Variants in THADA observed in about 807,000 individuals in gnomAD.
The protein encoded by THADA is THADA armadillo repeat containing.
THADA carries 213 observed loss-of-function variants against 219.8 expected under a neutral mutation model. The observed-to-expected ratio is 0.97, with a 90% CI of 0.87 to 1.09. THADA has a LOEUF of 1.09. Ranked by LOEUF, THADA falls within the 50% of genes least tolerant of loss-of-function variation. THADA has a pLI of 0.00. For synonymous variants in THADA, 1,018 were observed against 828.9 expected (o/e 1.23, Z -3.92); for missense variants, 2,956 against 2,311.3 (o/e 1.28, Z -5.72).
At chr2:43,334,723 C>A (rs1000233403) in intron 30 of THADA, among the ~76,000 whole-genome samples, 3 of 151,378 alleles carry the variant, frequency 2.0e-5, no homozygotes, top group Admixed American at 6.6e-5. Context: ...TGCAGTGAGC[C>A]GAGATCGCGC....
intron 30 of THADA, among the ~76,000 whole-genome samples, chr2:43,328,994 A>G (rs1315041064): frequency 6.6e-6 from 1 of 152,134 alleles, no homozygotes; most frequent in Non-Finnish European, 1.5e-5. Flanking sequence ...CACTCAAGCT[A>G]TGTGCGGAGA....
chr2:43,263,656 CTCCTT>C (rs1379980414), intron 36 of THADA, among the ~76,000 whole-genome samples: 3 of 152,186 alleles, frequency 2.0e-5, no homozygotes, highest in African/African-American at 4.8e-5. Context: ...CAAATTCACC[CTCCTT>C]TCATCTCTCC....
chr2:43,247,927 C>G (rs1201663402), intron 36 of THADA, among the ~76,000 whole-genome samples: 1 of 150,832 alleles, frequency 6.6e-6, no homozygotes, highest in Non-Finnish European at 1.5e-5. Context: ...CCTGTGGTCC[C>G]TGCTACTTGG....
chr2:43,463,005 AAC>A (rs1683815195), intron 26 of THADA: 1 of 152,206 alleles, frequency 6.6e-6, no homozygotes, highest in South Asian at 2.1e-4. Context: ...AAAGGACAGC[AAC>A]AGTTTGAGGG....
At chr2:43,402,469 T>C (rs78842857) in intron 28 of THADA, among the ~76,000 whole-genome samples, 2 of 152,238 alleles carry the variant, frequency 1.3e-5, no homozygotes, top group Non-Finnish European at 2.9e-5. Context: ...GCTGAGATCA[T>C]GCTAACTTTA....
intron 29 of THADA, among the ~76,000 whole-genome samples, chr2:43,351,920 G>A (rs1487396322): frequency 1.3e-5 from 2 of 152,230 alleles, no homozygotes; most frequent in Admixed American, 1.3e-4. Context: ...CCCCCAACAA[G>A]GGCCCCCAAG....
chr2:43,316,371 C>A (rs1017739232), intron 31 of THADA, among the ~76,000 whole-genome samples: 1 of 152,094 alleles, frequency 6.6e-6, no homozygotes, highest in African/African-American at 2.4e-5. Flanking sequence ...CTGAGGCTAG[C>A]AGGTCTGATG....
chr2:43,453,209 A>G (rs1682575142), intron 26 of THADA, among the ~76,000 whole-genome samples: 1 of 152,238 alleles, frequency 6.6e-6, no homozygotes, highest in Admixed American at 6.5e-5. Flanking sequence ...ATTAGAAGAA[A>G]TAAGACTCAG....
intron 36 of THADA, among the ~76,000 whole-genome samples, chr2:43,241,581 C>T (rs1345970897): frequency 2.0e-5 from 3 of 149,484 alleles, no homozygotes; most frequent in African/African-American, 7.4e-5. Context: ...TAGTACAGCT[C>T]ACATGGATTT....
chr2:43,293,865 C>T (rs181232955), intron 31 of THADA, among the ~76,000 whole-genome samples: 49 of 152,314 alleles, frequency 3.2e-4, no homozygotes, highest in African/African-American at 9.9e-4. Context: ...TGTGGACATG[C>T]CTCACCCTCT....
intron 14 of THADA, among the ~76,000 whole-genome samples, chr2:43,569,880 G>C (rs1413952051): frequency 6.6e-6 from 1 of 152,132 alleles, no homozygotes; most frequent in Non-Finnish European, 1.5e-5. Flanking sequence ...GCTGCACCCA[G>C]GTTTCCATCC....
At chr2:43,301,477 A>G (rs1208768592) in intron 31 of THADA, among the ~76,000 whole-genome samples, 2 of 152,184 alleles carry the variant, frequency 1.3e-5, no homozygotes, top group Non-Finnish European at 2.9e-5. Context: ...CTTTGCTCTC[A>G]TGGAGCTCCA....
At chr2:43,498,728 G>T (rs1252604473) in intron 25 of THADA, 105 bp downstream of exon 25, 2 of 1,222,896 alleles carry the variant, frequency 1.6e-6, no homozygotes, top group East Asian at 5.3e-5. Context: ...AAAATTCATG[G>T]TAAAGGGCAG....
At chr2:43,456,718 T>C (rs1426085052) in intron 26 of THADA, among the ~76,000 whole-genome samples, 1 of 152,138 alleles carries the variant, frequency 6.6e-6, no homozygotes, top group Non-Finnish European at 1.5e-5. Context: ...TACACACACA[T>C]TGTTCTTTTG....
At chr2:43,514,772 T>TATA (rs1201149968) in intron 22 of THADA, among the ~76,000 whole-genome samples, 3 of 75,126 alleles carry the variant, frequency 4.0e-5, no homozygotes, top group Admixed American at 4.3e-4. Flanking sequence ...ATGTATAATA[T>TATA]ATATTTTATA....
At chr2:43,413,679 C>T (rs1207927428) in intron 28 of THADA, among the ~76,000 whole-genome samples, 1 of 152,156 alleles carries the variant, frequency 6.6e-6, no homozygotes, top group Non-Finnish European at 1.5e-5. Flanking sequence ...CAATCATTTT[C>T]AAGACAGAAA....
chr2:43,404,632 A>G (rs1318369341), intron 28 of THADA, among the ~76,000 whole-genome samples: 1 of 152,138 alleles, frequency 6.6e-6, no homozygotes, highest in African/African-American at 2.4e-5. Flanking sequence ...CCTTCCCCAC[A>G]GTAGCTCTCA....
intron 31 of THADA, among the ~76,000 whole-genome samples, chr2:43,314,777 C>A (rs560682441): frequency 6.6e-6 from 1 of 152,216 alleles, no homozygotes; most frequent in East Asian, 1.9e-4. Context: ...TATATACTAA[C>A]GATGACAGCT....
At chr2:43,567,305 T>C (rs1224751559) in intron 14 of THADA, among the ~76,000 whole-genome samples, 1 of 152,162 alleles carries the variant, frequency 6.6e-6, no homozygotes, top group Non-Finnish European at 1.5e-5. Context: ...TTAAGCTACT[T>C]TTAATTATAA....
Sources: gnomAD v4.1 joint callset for allele counts (sites outside exome capture counted in the v4.1 genomes callset) on GRCh38, gnomAD v4.1.1 for gene constraint, MANE v1.5 for transcripts, NCBI Gene and HGNC (gene_info 2026-07-23, HGNC 2026-07-21) for gene names.